Variants in SPOP observed in about 807,000 individuals in gnomAD.
SPOP encodes speckle type BTB/POZ protein.
SPOP carries 11 observed loss-of-function variants against 45.6 expected under a neutral mutation model. The ratio of observed to expected loss-of-function variants is 0.24; its 90% CI spans 0.15 to 0.40. The LOEUF is 0.40. SPOP is among the 10% of genes least tolerant of loss of function. The pLI, the probability that SPOP is intolerant of heterozygous loss-of-function variation, is 1.00. For synonymous variants in SPOP, 166 were observed against 166.3 expected (o/e 1.00, Z 0.01); for missense variants, 152 against 465.6 (o/e 0.33, Z 6.20).
At position 49,619,509 on chromosome 17, in the gene SPOP, G is replaced by T. The variant is rs1010266964; in HGVS notation, c.201-124C>A. Reference sequence around the variant, plus strand: ...AGGCCCCATAGAAGAATATAATTCAGTAGAATGACTAGTTGGGAACAACTT... The same window carrying T: ...AGGCCCCATAGAAGAATATAATTCATTAGAATGACTAGTTGGGAACAACTT... On this transcript the variant is annotated intron_variant, in intron 3 of 9. Transcript: ENST00000504102. The surrounding 1 kb of genome is among the most constrained non-coding windows in gnomAD (Gnocchi z 4.9). 5.0e-5 allele frequency: 54 copies of T among 1,078,582 alleles called. No homozygotes were observed. Among genetic ancestry groups the T allele is most frequent in the Non-Finnish European group, 6.9e-5 (53 of 770,564 alleles). 66.8% of individuals were successfully genotyped at this position (1,078,582 alleles called of 1,614,324 possible). A position where few individuals can be genotyped will look rare whatever the true frequency, so the allele number is the denominator to read the frequency against.
intron 1 of SPOP, among the ~76,000 whole-genome samples, chr17:49,660,996 T>G (rs933932626): frequency 1.6e-4 from 25 of 152,278 alleles, no homozygotes; most frequent in African/African-American, 5.8e-4. Context: ...ATTCCTTTCC[T>G]TCATTACATT....
chr17:49,672,674 T>C (rs2143583350), intron 1 of SPOP, among the ~76,000 whole-genome samples: 1 of 152,178 alleles, frequency 6.6e-6, no homozygotes. Context: ...AGGCCAGGTA[T>C]GGTGGCTCAC....
rs567968056 is a variant in SPOP, at chr17:49,649,673, C to CA, written c.-66-26798dup. Among the ~76,000 whole-genome samples, 473 of 150,348 alleles carry CA rather than the reference C, an allele frequency of 3.1e-3. 2 individuals carry two copies. Among genetic ancestry groups the CA allele is most frequent in the African/African-American group, 0.011 (443 of 40,996 alleles). ...TGAAACCCCGTCTCTACTAAAAATA[C>CA]AAAAAATTAGCCGGGCATGGTGGCA... On this transcript the variant is annotated intron_variant, in intron 1 of 9. Coordinates refer to ENST00000504102, the MANE Select transcript of SPOP (RefSeq NM_001007228.2).
At chr17:49,625,367 G>C (rs1248816617) in intron 1 of SPOP, among the ~76,000 whole-genome samples, 1 of 152,196 alleles carries the variant, frequency 6.6e-6, no homozygotes, top group African/African-American at 2.4e-5. Flanking sequence ...CCAGCACTTT[G>C]GGAGGCTGAG....
chr17:49,669,785 T>C (rs1025603155), intron 1 of SPOP, among the ~76,000 whole-genome samples: 1 of 104,024 alleles, frequency 9.6e-6, no homozygotes, highest in Non-Finnish European at 2.1e-5. Context: ...AAAAAAAAAA[T>C]TAAGACAGCA....
In SPOP at chr17:49,619,801, A is replaced by G. The variant is rs1418780431; in HGVS notation, c.201-416T>C. On this transcript the variant is annotated intron_variant, in intron 3 of 9. Transcript: ENST00000504102. The surrounding 1 kb of genome is among the most constrained non-coding windows in gnomAD (Gnocchi z 4.9). ...CAGCCTCCCAGAGTGCTGGGATTACAGGAATAAGCAACCACACCTGGCTGG... is the reference window on the plus strand; with the variant it reads ...CAGCCTCCCAGAGTGCTGGGATTACGGGAATAAGCAACCACACCTGGCTGG... Among the ~76,000 whole-genome samples, 2 of 152,166 alleles carry G rather than the reference A, an allele frequency of 1.3e-5. No homozygotes were observed. The highest frequency in any genetic ancestry group is 4.8e-5 in the African/African-American group (2 of 41,428).
intron 5 of SPOP, among the ~76,000 whole-genome samples, chr17:49,615,606 T>C (rs2072069737): frequency 6.6e-6 from 1 of 152,196 alleles, no homozygotes; most frequent in Non-Finnish European, 1.5e-5. Flanking sequence ...CTCGATCTCC[T>C]GGGCTCAAGT....
intron 1 of SPOP, among the ~76,000 whole-genome samples, chr17:49,657,347 G>C (rs1288290432): frequency 1.3e-5 from 2 of 152,076 alleles, no homozygotes; most frequent in Non-Finnish European, 2.9e-5. Context: ...TAAATCCTAA[G>C]GAATCAATAT....
At chr17:49,669,763 CAAA>C (rs3034924) in intron 1 of SPOP, among the ~76,000 whole-genome samples, 2 of 103,266 alleles carry the variant, frequency 1.9e-5, no homozygotes, top group Admixed American at 1.2e-4. Context: ...GACTCTGCCT[CAAA>C]AAAAAAAAAA....
intron 3 of SPOP, chr17:49,620,634 C>T (rs942508873): frequency 6.5e-6 from 1 of 154,062 alleles, no homozygotes; most frequent in African/African-American, 2.4e-5. Flanking sequence ...GCACAGAATT[C>T]CAGGCCAGAC....
chr17:49,604,507 TA>T (rs2071799543), intron 8 of SPOP, among the ~76,000 whole-genome samples: 1 of 152,184 alleles, frequency 6.6e-6, no homozygotes, highest in Non-Finnish European at 1.5e-5. Context: ...GGTAGGAGAC[TA>T]TCCCATGAGC....
intron 5 of SPOP, among the ~76,000 whole-genome samples, chr17:49,612,529 A>G (rs2143203876): frequency 6.6e-6 from 1 of 152,376 alleles, no homozygotes; most frequent in Middle Eastern, 3.4e-3. Context: ...CAGCAGAAGC[A>G]TGTTTTAACC....
chr17:49,605,528 A>G (rs1486759091), intron 8 of SPOP, among the ~76,000 whole-genome samples: 1 of 146,224 alleles, frequency 6.8e-6, no homozygotes, highest in East Asian at 2.0e-4. Flanking sequence ...TGTCTCTACT[A>G]CATATACAAC....
chr17:49,636,065 T>A (rs556318496), intron 1 of SPOP: 1 of 152,422 alleles, frequency 6.6e-6, no homozygotes, highest in South Asian at 2.1e-4. Flanking sequence ...GTGGCACAAT[T>A]ATGGCTCACT....
chr17:49,639,787 A>G (rs1313155852), intron 1 of SPOP, among the ~76,000 whole-genome samples: 24 of 152,198 alleles, frequency 1.6e-4, no homozygotes, highest in Admixed American at 1.6e-3. Flanking sequence ...GGTTATTCTG[A>G]GCAATGGTAT....
chr17:49,674,380 G>A (rs962016962), intron 1 of SPOP, among the ~76,000 whole-genome samples: 2 of 152,030 alleles, frequency 1.3e-5, no homozygotes, highest in African/African-American at 4.8e-5. Flanking sequence ...CTTCAATCTC[G>A]TTACTCACTA....
intron 1 of SPOP, among the ~76,000 whole-genome samples, chr17:49,630,035 G>A (rs2072420882): frequency 6.6e-6 from 1 of 152,100 alleles, no homozygotes; most frequent in Non-Finnish European, 1.5e-5. Context: ...GGTCTGTTAG[G>A]GACTTTTTAA....
intron 1 of SPOP, chr17:49,646,097 A>G (rs2072754066): frequency 6.6e-6 from 1 of 152,234 alleles, no homozygotes; most frequent in Non-Finnish European, 1.5e-5. Context: ...GCCAAATAAG[A>G]GAGCAAAATC....
chr17:49,633,440 C>T, intron 1 of SPOP, among the ~76,000 whole-genome samples: 1 of 152,230 alleles, frequency 6.6e-6, no homozygotes, highest in Middle Eastern at 3.4e-3. Flanking sequence ...TAACTACAAA[C>T]TGTCCTTGTC....
Sources: allele counts gnomAD v4.1 joint callset (sites outside exome capture counted in the v4.1 genomes callset), GRCh38; gene constraint gnomAD v4.1.1; non-coding constraint Gnocchi (gnomAD v3.1); transcripts MANE v1.5; gene names NCBI Gene and HGNC (gene_info 2026-07-23, HGNC 2026-07-21).